Variants in CADM2 observed in about 807,000 individuals in gnomAD.
CADM2 encodes cell adhesion molecule 2, also known as immunoglobulin superfamily member 4D.
A neutral mutation model predicts 49.8 loss-of-function variants in CADM2; 12 were observed. That is an observed-to-expected ratio of 0.24 (90% CI 0.15 to 0.39). The LOEUF is 0.39. CADM2 is among the 10% of genes least tolerant of loss of function. The probability of loss-of-function intolerance (pLI) is 1.00; values close to 1 mark genes in which losing one functional copy is unlikely to be tolerated. For synonymous variants in CADM2, 214 were observed against 175.4 expected (o/e 1.22, Z -1.74); for missense variants, 378 against 492.3 (o/e 0.77, Z 2.20).
At chr3:85,922,442 T>C (rs950670760) in intron 6 of CADM2, among the ~76,000 whole-genome samples, 1 of 152,062 alleles carries the variant, frequency 6.6e-6, no homozygotes, top group African/African-American at 2.4e-5. Context: ...AATGTAATAA[T>C]AAAAGGAGAG....
chr3:85,108,804 T>A (rs1400948009), intron 1 of CADM2, among the ~76,000 whole-genome samples: 1 of 152,064 alleles, frequency 6.6e-6, no homozygotes, highest in Admixed American at 6.6e-5. Context: ...TGTTTTTAAG[T>A]TAAGGAGTAT....
At chr3:85,036,889 T>C (rs2035235419) in intron 1 of CADM2, among the ~76,000 whole-genome samples, 1 of 151,520 alleles carries the variant, frequency 6.6e-6, no homozygotes, top group African/African-American at 2.4e-5. Context: ...CTGTGGCTCA[T>C]GCCTGTTATA....
intron 1 of CADM2, among the ~76,000 whole-genome samples, chr3:85,004,943 C>T (rs976972408): frequency 1.3e-5 from 2 of 152,102 alleles, no homozygotes; most frequent in African/African-American, 2.4e-5. Context: ...TGTGATGGCT[C>T]GGCACATCCA....
At chr3:86,036,923 A>G (rs945449083) in intron 8 of CADM2, among the ~76,000 whole-genome samples, 1 of 152,006 alleles carries the variant, frequency 6.6e-6, no homozygotes, top group Non-Finnish European at 1.5e-5. Flanking sequence ...GTTCTTTTTC[A>G]CCTCAGTCTT....
At chr3:85,965,555 G>C (rs947056686) in intron 8 of CADM2, among the ~76,000 whole-genome samples, 1 of 151,252 alleles carries the variant, frequency 6.6e-6, no homozygotes, top group Non-Finnish European at 1.5e-5. Flanking sequence ...CATAAATTAG[G>C]TTAACGCTAT....
chr3:86,034,880 T>C (rs1390417070), intron 8 of CADM2, among the ~76,000 whole-genome samples: 1 of 152,012 alleles, frequency 6.6e-6, no homozygotes. Flanking sequence ...GTTTGTTCTT[T>C]AATATCTGGC....
intron 1 of CADM2, among the ~76,000 whole-genome samples, chr3:85,528,346 G>A (rs1344239673): frequency 6.6e-6 from 1 of 152,008 alleles, no homozygotes; most frequent in Non-Finnish European, 1.5e-5. Flanking sequence ...ATGCACACGT[G>A]CACACATAAA....
intron 3 of CADM2, among the ~76,000 whole-genome samples, chr3:85,810,269 C>A (rs2072768265): frequency 6.6e-6 from 1 of 152,032 alleles, no homozygotes; most frequent in Admixed American, 6.6e-5. Context: ...CTGGGCTGAT[C>A]CCAGATGAAA....
intron 7 of CADM2, among the ~76,000 whole-genome samples, chr3:85,951,825 G>A (rs59679198): frequency 0.062 from 9,419 of 150,924 alleles, 783 homozygotes; most frequent in African/African-American, 0.19. Flanking sequence ...TGTGCTAAAG[G>A]CACAGAGAAG....
intron 8 of CADM2, among the ~76,000 whole-genome samples, chr3:86,006,633 C>G (rs142312182): frequency 6.6e-6 from 1 of 152,202 alleles, no homozygotes; most frequent in East Asian, 1.9e-4. Flanking sequence ...CTTCAGATAC[C>G]CTTGCCTGGG....
At chr3:85,590,282 T>G (rs2063068561) in intron 1 of CADM2, among the ~76,000 whole-genome samples, 1 of 151,916 alleles carries the variant, frequency 6.6e-6, no homozygotes, top group African/African-American at 2.4e-5. Context: ...TATGCTAAGG[T>G]AGAGAGAATA....
intron 1 of CADM2, among the ~76,000 whole-genome samples, chr3:85,230,192 C>T (rs970130821): frequency 6.7e-6 from 1 of 150,048 alleles, no homozygotes; most frequent in Admixed American, 6.6e-5. Flanking sequence ...TGAAGAATCT[C>T]AGCACAGGCA....
intron 8 of CADM2, chr3:85,979,425 G>A (rs1727204848): frequency 1.1e-6 from 1 of 891,818 alleles, no homozygotes; most frequent in Non-Finnish European, 1.6e-6. Flanking sequence ...TATCAATTAG[G>A]GTTATTGGAA....
At chr3:85,591,818 G>A (rs2063116908) in intron 1 of CADM2, among the ~76,000 whole-genome samples, 1 of 152,022 alleles carries the variant, frequency 6.6e-6, no homozygotes, top group Non-Finnish European at 1.5e-5. Context: ...TTTGTTCCCA[G>A]TGAATTCTAT....
chr3:85,896,680 T>G (rs1016569011), intron 5 of CADM2, among the ~76,000 whole-genome samples: 1 of 152,220 alleles, frequency 6.6e-6, no homozygotes, highest in Non-Finnish European at 1.5e-5. Context: ...AAGCTCGAAT[T>G]GACATTAGCT....
chr3:85,091,251 A>G (rs1437431780), intron 1 of CADM2, among the ~76,000 whole-genome samples: 1 of 152,160 alleles, frequency 6.6e-6, no homozygotes, highest in Non-Finnish European at 1.5e-5. Flanking sequence ...TTTAAGGACA[A>G]ACATCCTGCA....
intron 1 of CADM2, among the ~76,000 whole-genome samples, chr3:85,499,202 T>G (rs1243122401): frequency 2.0e-5 from 3 of 152,140 alleles, no homozygotes; most frequent in Non-Finnish European, 1.5e-5. Flanking sequence ...GGACACAGTA[T>G]GATTGACAGA....
At chr3:86,002,397 C>T (rs935952617) in intron 8 of CADM2, among the ~76,000 whole-genome samples, 4 of 152,008 alleles carry the variant, frequency 2.6e-5, no homozygotes, top group African/African-American at 9.7e-5. Flanking sequence ...ATAGTATATT[C>T]CCTGAGTAGA....
rs1232592913 is a variant in CADM2, at chr3:86,072,406, AC to A, written c.*5624del. ...CAAATGTGAAAAAGATATAAAAAAAACAAAAAAAACAAAAAAAAAACACTAT... is the reference window on the plus strand; with the variant it reads ...CAAATGTGAAAAAGATATAAAAAAAAAAAAAAAACAAAAAAAAAACACTAT... On this transcript the variant is annotated 3_prime_UTR_variant, in exon 10 of 10. Transcript: ENST00000383699. 15 of 150,066 alleles carry A rather than the reference AC, an allele frequency of 1.0e-4. No homozygotes were observed. The highest frequency in any genetic ancestry group is 2.2e-4 in the African/African-American group (9 of 40,022). 9.3% of individuals were successfully genotyped at this position (150,066 alleles called of 1,614,324 possible). A position where few individuals can be genotyped will look rare whatever the true frequency, so the allele number is the denominator to read the frequency against.
Sources: gnomAD v4.1 joint callset for allele counts (sites outside exome capture counted in the v4.1 genomes callset) on GRCh38, gnomAD v4.1.1 for gene constraint, MANE v1.5 for transcripts, NCBI Gene and HGNC (gene_info 2026-07-23, HGNC 2026-07-21) for gene names.